The following INSYN2A variants were observed in gnomAD, a reference collection of about 807,000 sequenced individuals.
INSYN2A encodes the protein inhibitory synaptic factor 2A, also known as family with sequence similarity 196 member A.
Under a neutral mutation model 39.4 loss-of-function variants are expected in INSYN2A, and 17 were observed. That is an observed-to-expected ratio of 0.43 (90% CI 0.30 to 0.65). The LOEUF (loss-of-function observed/expected upper bound fraction) is 0.65. Among genes scored for constraint, INSYN2A ranks in the 30% least tolerant of loss-of-function variants. The pLI, the probability that INSYN2A is intolerant of heterozygous loss-of-function variation, is 0.14. For synonymous variants in INSYN2A, 255 were observed against 265.7 expected, an observed-to-expected ratio of 0.96 and a Z score of 0.39; for missense variants, 595 against 631.2, an observed-to-expected ratio of 0.94 and a Z score of 0.61.
rs758431011 is a variant in INSYN2A at position 127,175,835 on chromosome 10, A to G, written c.561T>C (p.Pro187=). The G allele has an allele frequency of 6.2e-7, 1 of 1,614,086 alleles. No individual in the cohort carries two copies. The highest frequency in any genetic ancestry group is 1.7e-5 in the Admixed American group (1 of 60,020). Residue 187 remains proline (P), a synonymous_variant, in exon 4 of 6, where the codon CCT becomes CCC. Coordinates refer to ENST00000522781, the MANE Select transcript of INSYN2A (RefSeq NM_001039762.3). This position sits in a 1 kb window ranked among gnomAD's most constrained non-coding sequence, Gnocchi z 6.3. The part of the protein sequence containing the change: ...SNQHMNTVDQ[P]LGVNCTEPCK... ...AGGGCTCTGTGCAGTTGACCCCCAA[A>G]GGCTGGTCCACTGTGTTCATGTGTT...
At chr10:127,153,967 G>C (rs1347246887) in intron 4 of INSYN2A, 44 bp from the exon 5 acceptor site, 6 of 1,447,072 alleles carry the variant, frequency 4.1e-6, no homozygotes, top group Non-Finnish European at 5.8e-6. Flanking sequence ...GTGGCTGGGG[G>C]TCACTGGCTT....
At chr10:127,155,993 T>C (rs966345167) in intron 4 of INSYN2A, among the ~76,000 whole-genome samples, 1 of 152,224 alleles carries the variant, frequency 6.6e-6, no homozygotes, top group Admixed American at 6.5e-5. Context: ...TACCTAGTAC[T>C]TGTCTATATG....
chr10:127,142,046 A>C (rs547684603), intron 5 of INSYN2A, among the ~76,000 whole-genome samples: 1 of 152,162 alleles, frequency 6.6e-6, no homozygotes, highest in Admixed American at 6.5e-5. Context: ...GTGACCAGCT[A>C]CCACAGTCGC....
intron 4 of INSYN2A, among the ~76,000 whole-genome samples, chr10:127,165,702 T>C (rs575189436): frequency 1.3e-4 from 20 of 152,090 alleles, no homozygotes; most frequent in Non-Finnish European, 2.1e-4. Context: ...ACCACTGATA[T>C]TACAAATGGC....
intron 2 of INSYN2A, among the ~76,000 whole-genome samples, chr10:127,185,622 T>C (rs1396641947): frequency 1.3e-5 from 2 of 152,220 alleles, no homozygotes; most frequent in Non-Finnish European, 2.9e-5. Flanking sequence ...TTACATTATC[T>C]GGATCCTCAC....
At position 127,190,664 on chromosome 10, in the gene INSYN2A, T is replaced by TCCCCCCCCCCCC. The variant is rs1491352928; in HGVS notation, c.-269+1940_-269+1941insGGGGGGGGGGGG. Among the ~76,000 whole-genome samples the TCCCCCCCCCCCC allele has an allele frequency of 1.3e-4, 2 of 15,230 alleles. 1 individual carries two copies. The highest frequency in any genetic ancestry group is 2.3e-4 in the Non-Finnish European group (2 of 8,850). The allele number at this position is 15,230 out of a possible 152,430, so 10.0% of individuals were successfully genotyped here. On this transcript the variant is annotated intron_variant, in intron 2 of 5. Coordinates refer to ENST00000522781, the MANE Select transcript of INSYN2A (RefSeq NM_001039762.3). ...TCAAATATTTAATAGAAATCCTATC[T>TCCCCCCCCCCCC]TCCCCCCCCCCCCCCCCCCGTTCCT...
At chr10:127,145,243 G>A (rs2051692876) in intron 5 of INSYN2A, among the ~76,000 whole-genome samples, 2 of 152,240 alleles carry the variant, frequency 1.3e-5, no homozygotes, top group Non-Finnish European at 2.9e-5. Context: ...GTGCCACCGA[G>A]GAGCAGAGGC....
At chr10:127,183,281 A>G (rs896814307) in intron 2 of INSYN2A, among the ~76,000 whole-genome samples, 19 of 152,088 alleles carry the variant, frequency 1.2e-4, no homozygotes, top group Admixed American at 1.2e-3. Context: ...GGTCACTACA[A>G]TGGAAGTCAT....
At chr10:127,152,457 G>A (rs769426392) in intron 5 of INSYN2A, among the ~76,000 whole-genome samples, 2 of 152,208 alleles carry the variant, frequency 1.3e-5, no homozygotes, top group African/African-American at 2.4e-5. Context: ...GCCATGCCAG[G>A]CTGCTGCAGG....
At chr10:127,195,596 C>T (rs564344240) in intron 1 of INSYN2A, among the ~76,000 whole-genome samples, 2 of 151,834 alleles carry the variant, frequency 1.3e-5, no homozygotes, top group East Asian at 3.9e-4. Flanking sequence ...TTAAAAGCCT[C>T]GAAACCTTCC....
At chr10:127,152,320 A>G (rs1238539570) in intron 5 of INSYN2A, among the ~76,000 whole-genome samples, 1 of 152,202 alleles carries the variant, frequency 6.6e-6, no homozygotes, top group African/African-American at 2.4e-5. Flanking sequence ...CCATTAAGCA[A>G]ACTTCTCTGA....
chr10:127,159,902 G>A (rs1371944642), intron 4 of INSYN2A, among the ~76,000 whole-genome samples: 1 of 152,122 alleles, frequency 6.6e-6, no homozygotes, highest in Non-Finnish European at 1.5e-5. Context: ...AGGGCTGGAC[G>A]GCATCTGCTC....
chr10:127,194,641 C>T (rs867733086), intron 1 of INSYN2A, among the ~76,000 whole-genome samples: 1 of 152,092 alleles, frequency 6.6e-6, no homozygotes, highest in Non-Finnish European at 1.5e-5. Flanking sequence ...CATCAAGTAC[C>T]CAGCCAGCGC....
In INSYN2A at chr10:127,196,042, C is replaced by G. The variant is rs772802289; in HGVS notation, c.-440G>C. The G allele has an allele frequency of 6.6e-6, 1 of 152,102 alleles. No individual in the cohort carries two copies. Among genetic ancestry groups the G allele is most frequent in the East Asian group, 1.9e-4 (1 of 5,134 alleles). The allele number at this position is 152,102 out of a possible 1,614,324, so 9.4% of individuals were successfully genotyped here. On this transcript the variant is annotated 5_prime_UTR_variant, in exon 1 of 6. Transcript: ENST00000522781. ...GTCGAGGTCGATGCAGCGCCTGGCTCGGGCATGTCTCGCTGCGGACCCTGG... is the reference window on the plus strand; with the variant it reads ...GTCGAGGTCGATGCAGCGCCTGGCTGGGGCATGTCTCGCTGCGGACCCTGG...
In INSYN2A at chr10:127,137,737, G is replaced by A; in HGVS notation, c.*100C>T. On this transcript the variant is annotated 3_prime_UTR_variant, in exon 6 of 6. Coordinates refer to ENST00000522781, the MANE Select transcript of INSYN2A (RefSeq NM_001039762.3). Reference sequence around the variant, plus strand: ...GGCGAGAAGTGGGAGGTGCCTGAATGGGCACCACAGTTCCCTCGATCCTAT... The same window carrying A: ...GGCGAGAAGTGGGAGGTGCCTGAATAGGCACCACAGTTCCCTCGATCCTAT... 9.0e-7 allele frequency: 1 copy of A among 1,112,996 alleles called. No individual in the cohort carries two copies. Among genetic ancestry groups the A allele is most frequent in the East Asian group, 2.4e-5 (1 of 41,740 alleles). The allele number at this position is 1,112,996 out of a possible 1,614,324, so 68.9% of individuals were successfully genotyped here. A position where few individuals can be genotyped will look rare whatever the true frequency, so the allele number is the denominator to read the frequency against.
intron 5 of INSYN2A, 77 bp downstream of exon 5, chr10:127,153,775 G>T: frequency 1.7e-6 from 2 of 1,143,932 alleles, no homozygotes; most frequent in Non-Finnish European, 2.6e-6. Flanking sequence ...CATGGCCCCA[G>T]ATCGTTCTTG....
intron 4 of INSYN2A, among the ~76,000 whole-genome samples, chr10:127,157,107 G>T (rs749273820): frequency 1.3e-5 from 2 of 152,222 alleles, no homozygotes; most frequent in Non-Finnish European, 2.9e-5. Context: ...TGAGCGAACG[G>T]TTAATTTTTG....
chr10:127,195,806 C>A (rs1164750987), intron 1 of INSYN2A, among the ~76,000 whole-genome samples, 191 bp downstream of exon 1: 2 of 152,156 alleles, frequency 1.3e-5, no homozygotes, highest in African/African-American at 4.8e-5. Context: ...CACCTGCGAC[C>A]GCACCGGGTC....
rs2057125923 is a variant in INSYN2A, at chr10:127,196,169, GCGCCTGCTGCC to G, written c.-578_-568del. 1 of 151,020 alleles carries G rather than the reference GCGCCTGCTGCC, an allele frequency of 6.6e-6. No homozygotes were observed. Among genetic ancestry groups the G allele is most frequent in the Non-Finnish European group, 1.5e-5 (1 of 67,724 alleles). 9.4% of individuals were successfully genotyped at this position (151,020 alleles called of 1,614,324 possible). Reference sequence around the variant, plus strand: ...CGGCTCCGGGGACTTGGCCCGCTGCGCGCCTGCTGCCCGCCCCCTCCACCGCTGCCGGCCCG... The same window carrying G: ...CGGCTCCGGGGACTTGGCCCGCTGCGCGCCCCCTCCACCGCTGCCGGCCCG... On this transcript the variant is annotated 5_prime_UTR_variant, in exon 1 of 6. Coordinates refer to ENST00000522781, the MANE Select transcript of INSYN2A (RefSeq NM_001039762.3).
Sources: allele counts gnomAD v4.1 joint callset (sites outside exome capture counted in the v4.1 genomes callset), GRCh38; gene constraint gnomAD v4.1.1; non-coding constraint Gnocchi (gnomAD v3.1); transcripts MANE v1.5; gene names NCBI Gene and HGNC (gene_info 2026-07-23, HGNC 2026-07-21).